CPSF4: variants seen among roughly 807,000 people sequenced by gnomAD.
CPSF4 encodes the protein cleavage and polyadenylation specific factor 4, also known as cleavage and polyadenylation specificity factor subunit 4.
A neutral mutation model predicts 37.7 loss-of-function variants in CPSF4; 11 were observed. The observed-to-expected ratio is 0.29, with a 90% confidence interval of 0.18 to 0.48. CPSF4 has a LOEUF of 0.48. CPSF4 is among the 20% of genes least tolerant of loss of function. The pLI is 0.99. For missense variants in CPSF4, 144 were observed against 359.5 expected (o/e 0.40, Z 4.85); for synonymous variants, 132 against 135.9 (o/e 0.97, Z 0.20).
chr7:99,439,032 G>A lies in CPSF4; in HGVS notation c.-51G>A. The A allele has an allele frequency of 3.9e-6, 6 of 1,545,266 alleles. No homozygotes were observed. The highest frequency in any genetic ancestry group is 5.3e-6 in the Non-Finnish European group (6 of 1,141,254). On this transcript the variant is annotated 5_prime_UTR_variant, in exon 1 of 8. Transcript: ENST00000292476. ...GGCCGGCGGCGGGTAAAGGCGAGAA[G>A]GCTGCAGGAGACCGAGGGGGAGCCG...
chr7:99,450,916 G>A lies in CPSF4; in HGVS notation c.497+121G>A, dbSNP rs115019595. The A allele has an allele frequency of 4.1e-3, 2,864 of 693,002 alleles. 48 individuals are homozygous for A. In the African/African-American group the frequency reaches 0.044, roughly 11 times the overall value. 42.9% of individuals were successfully genotyped at this position (693,002 alleles called of 1,614,324 possible). A position where few individuals can be genotyped will look rare whatever the true frequency, so the allele number is the denominator to read the frequency against. On this transcript the variant is annotated intron_variant, in intron 5 of 7. Coordinates refer to ENST00000292476, the MANE Select transcript of CPSF4 (RefSeq NM_006693.4). ...GGTGATGTCAGTACCAGGGCCAAGG[G>A]TGGGGGCAGGAGATGGGGAAGTAAT...
intron 6 of CPSF4, 43 bp downstream of exon 6, chr7:99,452,483 C>T (rs1798001408): frequency 6.4e-7 from 1 of 1,560,138 alleles, no homozygotes; most frequent in Non-Finnish European, 8.8e-7. Flanking sequence ...AGTGCCTTTT[C>T]TACAGCGAGA....
Position 99,454,100 on chromosome 7 carries a change from G to A in CPSF4, c.705G>A (p.Arg235=). The A allele has an allele frequency of 6.2e-7, 1 of 1,614,106 alleles. No individual in the cohort carries two copies. Residue 235 remains arginine (R), a synonymous_variant, in exon 7 of 8, where the codon CGG becomes CGA. Coordinates refer to ENST00000292476, the MANE Select transcript of CPSF4 (RefSeq NM_006693.4). ...MQSQNSSAGN[R]GPRPLEQVTC... ...GTCAAAACAGCAGCGCGGGCAACCG[G>A]GGACCCCGGCCACTGGAGCAGGTCA...
In CPSF4 at chr7:99,453,687, C is replaced by G. The variant is rs774160253; in HGVS notation, c.571-279C>G. On this transcript the variant is annotated intron_variant, in intron 6 of 7. Transcript: ENST00000292476. The surrounding 1 kb of genome is among the most constrained non-coding windows in gnomAD (Gnocchi z 4.7). ...AACCAAAGTAAGGCCTGATCATGCC[C>G]TCGCCCCACTGCCCCAGAGACCTCC... 17 of 382,478 alleles carry G rather than the reference C, an allele frequency of 4.4e-5. No homozygotes were observed. The highest frequency in any genetic ancestry group is 7.5e-5 in the Non-Finnish European group (16 of 212,502). The allele number at this position is 382,478 out of a possible 1,614,324, so 23.7% of individuals were successfully genotyped here. A position where few individuals can be genotyped will look rare whatever the true frequency, so the allele number is the denominator to read the frequency against.
intron 5 of CPSF4, 121 bp from the exon 6 acceptor site, chr7:99,452,247 C>A: frequency 1.2e-6 from 1 of 828,546 alleles, no homozygotes; most frequent in East Asian, 2.4e-5. Context: ...TCACTTTGTG[C>A]TGGGGCAGCT....
In CPSF4 at chr7:99,456,587, T is replaced by C; in HGVS notation, c.*87T>C. ...TGTTTCATGCGCTTGTTGGCGCGAC[T>C]GTGGCTCGAGCTGGCCCGCAGACAC... On this transcript the variant is annotated 3_prime_UTR_variant, in exon 8 of 8. Coordinates refer to ENST00000292476, the MANE Select transcript of CPSF4 (RefSeq NM_006693.4). 2 of 1,153,030 alleles carry C rather than the reference T, an allele frequency of 1.7e-6. No individual in the cohort carries two copies. Among genetic ancestry groups the C allele is most frequent in the Non-Finnish European group, 2.6e-6 (2 of 777,692 alleles). The allele number at this position is 1,153,030 out of a possible 1,614,324, so 71.4% of individuals were successfully genotyped here. A position where few individuals can be genotyped will look rare whatever the true frequency, so the allele number is the denominator to read the frequency against.
At position 99,450,818 on chromosome 7, in the gene CPSF4, C is replaced by T. The variant is rs561665792; in HGVS notation, c.497+23C>T. On this transcript the variant is annotated intron_variant, in intron 5 of 7. Transcript: ENST00000292476. ...GCAGTGAGTAGCCAGCTGCTCCGCC[C>T]TCTACCCCAGCTCCCGGCCCAGGCC... 14 of 1,568,564 alleles carry T rather than the reference C, an allele frequency of 8.9e-6. No homozygotes were observed. The South Asian group carries it at 1.3e-4, about 15-fold the overall frequency.
At chr7:99,455,697 ATAGAG>A (rs1460131565) in intron 7 of CPSF4, among the ~76,000 whole-genome samples, 3 of 152,278 alleles carry the variant, frequency 2.0e-5, no homozygotes, top group Non-Finnish European at 2.9e-5. Context: ...TTTAGGAGTC[ATAGAG>A]TAAAGAGAAG....
chr7:99,442,811 A>G, intron 1 of CPSF4: 1 of 806,416 alleles, frequency 1.2e-6, no homozygotes, highest in Non-Finnish European at 2.2e-6. Context: ...GACTGCATTT[A>G]GTATATATGT....
chr7:99,447,976 G>A (rs1444165840), intron 2 of CPSF4, 145 bp from the exon 3 acceptor site: 3 of 695,076 alleles, frequency 4.3e-6, no homozygotes, highest in Non-Finnish European at 7.4e-6. Flanking sequence ...CCTTCTGTGA[G>A]GGGGACCTCT....
At chr7:99,440,431 C>A (rs1484454341) in intron 1 of CPSF4, among the ~76,000 whole-genome samples, 1 of 151,902 alleles carries the variant, frequency 6.6e-6, no homozygotes, top group African/African-American at 2.4e-5. Context: ...TCAATGCAGC[C>A]TCGACTTCCC....
At chr7:99,441,694 T>C (rs1259220050) in intron 1 of CPSF4, among the ~76,000 whole-genome samples, 1 of 151,900 alleles carries the variant, frequency 6.6e-6, no homozygotes, top group Non-Finnish European at 1.5e-5. Flanking sequence ...TTCAGAATTT[T>C]TTTTTTCTTT....
chr7:99,442,379 G>T (rs1445762287), intron 1 of CPSF4, among the ~76,000 whole-genome samples: 1 of 151,630 alleles, frequency 6.6e-6, no homozygotes, highest in Non-Finnish European at 1.5e-5. Context: ...ATAATCGGCC[G>T]GGCGTTGTGG....
At chr7:99,447,168 C>T (rs1292967175) in intron 2 of CPSF4, among the ~76,000 whole-genome samples, 1 of 151,564 alleles carries the variant, frequency 6.6e-6, no homozygotes, top group Non-Finnish European at 1.5e-5. Flanking sequence ...AGGCTGATCT[C>T]GAACTTCTTG....
Position 99,448,457 on chromosome 7 carries a change from C to CTT in CPSF4, c.307+185_307+186insTT. ...GACAGTGTGGCTATTTTCTGCTCAT[C>CTT]TCTTTTTTTTTTTTTTTTTTTTTAA... On this transcript the variant is annotated intron_variant, in intron 3 of 7. Coordinates refer to ENST00000292476, the MANE Select transcript of CPSF4 (RefSeq NM_006693.4). The surrounding 1 kb of genome is among the most constrained non-coding windows in gnomAD (Gnocchi z 4.4). 1 of 445,740 alleles carries CTT rather than the reference C, an allele frequency of 2.2e-6. No homozygotes were observed. The allele number at this position is 445,740 out of a possible 1,614,324, so 27.6% of individuals were successfully genotyped here. A position where few individuals can be genotyped will look rare whatever the true frequency, so the allele number is the denominator to read the frequency against.
chr7:99,455,190 G>A (rs1257079247), intron 7 of CPSF4, among the ~76,000 whole-genome samples: 1 of 152,216 alleles, frequency 6.6e-6, no homozygotes, highest in Non-Finnish European at 1.5e-5. Context: ...CCTTAGAAAG[G>A]TAGGGCTGAC....
At chr7:99,452,506 C>G (rs2151010751) in intron 6 of CPSF4, 66 bp downstream of exon 6, 1 of 1,432,264 alleles carries the variant, frequency 7.0e-7, no homozygotes, top group East Asian at 2.3e-5. Flanking sequence ...CTCAGTGTCC[C>G]CCAGGGGTGT....
chr7:99,452,796 T>C, intron 6 of CPSF4: 1 of 236,752 alleles, frequency 4.2e-6, no homozygotes, highest in South Asian at 6.9e-5. Flanking sequence ...TGCTCCTGGG[T>C]CAGACCCTTT....
At chr7:99,440,779 T>C (rs1399810424) in intron 1 of CPSF4, among the ~76,000 whole-genome samples, 4 of 148,034 alleles carry the variant, frequency 2.7e-5, no homozygotes, top group Non-Finnish European at 5.9e-5. Context: ...GAAGACAAGA[T>C]AGTGCTTATA....
Sources: gnomAD v4.1 joint callset for allele counts (sites outside exome capture counted in the v4.1 genomes callset) on GRCh38, gnomAD v4.1.1 for gene constraint, Gnocchi (gnomAD v3.1) non-coding constraint, MANE v1.5 for transcripts, NCBI Gene and HGNC (gene_info 2026-07-23, HGNC 2026-07-21) for gene names.